Variants in MROH7 observed in about 807,000 individuals in gnomAD.
MROH7 encodes maestro heat-like repeat-containing protein family member 7.
A neutral mutation model predicts 129.2 loss-of-function variants in MROH7; 113 were observed. The observed-to-expected ratio is 0.87, with a 90% CI of 0.75 to 1.02. The LOEUF (loss-of-function observed/expected upper bound fraction) is 1.02, where lower values mean the gene tolerates loss of function less well. MROH7 is among the 50% of genes least tolerant of loss of function. The probability of loss-of-function intolerance (pLI) is 0.00; values close to 1 mark genes in which losing one functional copy is unlikely to be tolerated. For missense variants in MROH7, 1,601 were observed against 1,671.3 expected (o/e 0.96, Z 0.73); for synonymous variants, 655 against 667.9 (o/e 0.98, Z 0.30).
At position 54,653,394 on chromosome 1, in the gene MROH7, C is replaced by T; in HGVS notation, c.468C>T (p.Leu156=). The part of the protein sequence containing the change: ...QSNSEDAFKC[L]SSKIFKLGQR... ...ATTCTGAAGATGCCTTCAAGTGCCT[C>T]TCAAGTAAGATTTTCAAGTTGGGTC... is the stretch of plus-strand genomic sequence containing the variant. Residue 156 remains leucine, a synonymous_variant, in exon 3 of 24, where the codon CTC becomes CTT. Transcript: ENST00000421030. 1 of 1,614,176 alleles carries T rather than the reference C, an allele frequency of 6.2e-7. No individual in the cohort carries two copies. The highest frequency in any genetic ancestry group is 1.3e-5 in the African/African-American group (1 of 75,040).
At chr1:54,687,172 C>T (rs1457463808) in intron 15 of MROH7, among the ~76,000 whole-genome samples, 1 of 152,128 alleles carries the variant, frequency 6.6e-6, no homozygotes, top group Non-Finnish European at 1.5e-5. Flanking sequence ...CTCCTGGGTT[C>T]AAACAATTCT....
At chr1:54,686,531 G>C in intron 15 of MROH7, 83 bp downstream of exon 15, 1 of 1,262,068 alleles carries the variant, frequency 7.9e-7, no homozygotes. Flanking sequence ...AGTCTCAGGG[G>C]CAATCAATCA....
intron 19 of MROH7, 66 bp downstream of exon 19, chr1:54,701,388 C>A (rs1645434079): frequency 1.4e-6 from 2 of 1,389,696 alleles, no homozygotes; most frequent in East Asian, 2.6e-5. Context: ...ACCTTGGGGG[C>A]TGCATTTCCA....
chr1:54,654,087 G>T lies in MROH7; in HGVS notation c.1161G>T (p.Gln387His), dbSNP rs372956550. 10 of 1,613,918 alleles carry T rather than the reference G, an allele frequency of 6.2e-6. No individual in the cohort carries two copies. In the Admixed American group the frequency reaches 1.5e-4, roughly 24 times the overall value. Residue 387 changes from glutamine to histidine, a missense_variant, in exon 3 of 24, where the codon CAG (glutamine) becomes CAT (histidine). Coordinates refer to ENST00000421030, the MANE Select transcript of MROH7 (RefSeq NM_001039464.4). ...AGATGGCCAGCATTAAGGTGGGCCA[G>T]TTCCCGCTGGGATTCCCCATCTCCA... ...WSEMASIKVG[Q>H]FPLGFPISNP...
chr1:54,656,496 C>A (rs1355846510), intron 3 of MROH7, among the ~76,000 whole-genome samples: 4 of 116,458 alleles, frequency 3.4e-5, no homozygotes, highest in African/African-American at 1.0e-4. Flanking sequence ...GGAGACAGAG[C>A]AAGACTCCAT....
At chr1:54,700,121 C>A (rs1298214329) in intron 17 of MROH7, 200 bp from the exon 18 acceptor site, 1 of 744,230 alleles carries the variant, frequency 1.3e-6, no homozygotes, top group Non-Finnish European at 2.4e-6. Context: ...GGGCTCGGAG[C>A]TGGAGAGTGA....
At chr1:54,664,718 A>G (rs1479981946) in intron 3 of MROH7, among the ~76,000 whole-genome samples, 2 of 152,204 alleles carry the variant, frequency 1.3e-5, no homozygotes, top group Non-Finnish European at 2.9e-5. Context: ...TGTACACTTA[A>G]AAGCTCAGTG....
intron 15 of MROH7, 143 bp from the exon 16 acceptor site, chr1:54,692,281 C>G: frequency 3.0e-6 from 3 of 1,016,124 alleles, no homozygotes; most frequent in Non-Finnish European, 4.3e-6. Flanking sequence ...AAAAGCCACC[C>G]TTTGTGGATA....
intron 15 of MROH7, among the ~76,000 whole-genome samples, chr1:54,687,508 T>G (rs1454517538): frequency 6.6e-6 from 1 of 152,238 alleles, no homozygotes; most frequent in Admixed American, 6.5e-5. Flanking sequence ...CTGCAGTGAG[T>G]TTGCTTGTTT....
intron 6 of MROH7, 56 bp from the exon 7 acceptor site, chr1:54,670,744 T>A: frequency 6.5e-7 from 1 of 1,545,268 alleles, no homozygotes; most frequent in Non-Finnish European, 8.8e-7. Flanking sequence ...AGCCCCCGTC[T>A]ATAGCCATAG....
chr1:54,654,027 T>C lies in MROH7; in HGVS notation c.1101T>C (p.Thr367=). 1.3e-5 allele frequency: 21 copies of C among 1,614,216 alleles called. No homozygotes were observed. The highest frequency in any genetic ancestry group is 1.8e-5 in the Non-Finnish European group (21 of 1,180,036). ...QDDAKDNSIH[T]VPLEENLESW... ...ATGCCAAGGACAACAGCATCCACAC[T>C]GTGCCCCTGGAGGAGAATCTGGAGA... is the stretch of plus-strand genomic sequence containing the variant. The change falls in exon 3 of 24, where the codon ACT becomes ACC. Residue 367 remains threonine (T), a synonymous_variant. Coordinates refer to ENST00000421030, the MANE Select transcript of MROH7 (RefSeq NM_001039464.4).
chr1:54,658,300 A>G (rs1477270421), intron 3 of MROH7, among the ~76,000 whole-genome samples: 1 of 152,148 alleles, frequency 6.6e-6, no homozygotes, highest in Non-Finnish European at 1.5e-5. Context: ...AAATGTGTTT[A>G]TTTCTGGGTA....
At chr1:54,660,325 G>A (rs934576024) in intron 3 of MROH7, among the ~76,000 whole-genome samples, 2 of 152,104 alleles carry the variant, frequency 1.3e-5, no homozygotes, top group Non-Finnish European at 2.9e-5. Flanking sequence ...AGACGGTGGA[G>A]CCCTCATAAT....
At chr1:54,686,569 GA>G in intron 15 of MROH7, 121 bp downstream of exon 15, 1 of 854,470 alleles carries the variant, frequency 1.2e-6, no homozygotes. Context: ...GACTAGAAGA[GA>G]AAACAGAAGC....
chr1:54,677,778 A>G (rs1019865502), intron 10 of MROH7, among the ~76,000 whole-genome samples: 1 of 152,216 alleles, frequency 6.6e-6, no homozygotes, highest in Non-Finnish European at 1.5e-5. Flanking sequence ...AGCTGAAAAT[A>G]TGAAGCCACT....
At chr1:54,658,199 G>T (rs1455333068) in intron 3 of MROH7, among the ~76,000 whole-genome samples, 1 of 152,064 alleles carries the variant, frequency 6.6e-6, no homozygotes, top group East Asian at 1.9e-4. Flanking sequence ...TTTGCATGTG[G>T]ATATCCAGTT....
Position 54,654,152 on chromosome 1 carries a change from C to A in MROH7, c.1226C>A (p.Pro409His). 1.2e-6 allele frequency: 2 copies of A among 1,607,298 alleles called. No homozygotes were observed. The highest frequency in any genetic ancestry group is 1.1e-5 in the South Asian group (1 of 89,630). The change falls in exon 3 of 24, where the codon CCT becomes CAT. Residue 409 changes from proline to histidine, a missense_variant. By Grantham distance (77) the Pro-to-His change is moderately conservative. Coordinates refer to ENST00000421030, the MANE Select transcript of MROH7 (RefSeq NM_001039464.4). The part of the protein sequence containing the change: ...GKDAVTLQGI[P>H]EGAFDEVTSC... ...GACGCCGTGACCTTGCAAGGCATCC[C>A]TGAGGGTAAGGCCAGGGCCGCAGCC...
rs781440015 is a variant in MROH7, at chr1:54,668,946, G to A, written c.1389+9G>A. On this transcript the variant is annotated intron_variant, in intron 5 of 23. Transcript: ENST00000421030. ...TGATAAAGAAGATTATGGTGGGGGA[G>A]CCACAGGCGGGTCTGTGGCATTGGG... is the stretch of plus-strand genomic sequence containing the variant. 3.8e-6 allele frequency: 6 copies of A among 1,573,182 alleles called. No homozygotes were observed. The South Asian group carries it at 5.5e-5, about 15-fold the overall frequency.
intron 16 of MROH7, 40 bp downstream of exon 16, chr1:54,692,601 G>A: frequency 6.3e-7 from 1 of 1,593,430 alleles, no homozygotes; most frequent in South Asian, 1.1e-5. Context: ...GTGGGAGGGA[G>A]AAAGAGGGGG....
Sources: gnomAD v4.1 joint callset for allele counts (sites outside exome capture counted in the v4.1 genomes callset) on GRCh38, gnomAD v4.1.1 for gene constraint, MANE v1.5 for transcripts, NCBI Gene and HGNC (gene_info 2026-07-23, HGNC 2026-07-21) for gene names.